Variants in GRM8 observed in about 807,000 individuals in gnomAD.
GRM8 encodes metabotropic glutamate receptor 8.
Under a neutral mutation model 87.2 loss-of-function variants are expected in GRM8, and 47 were observed. The ratio of observed to expected loss-of-function variants is 0.54; its 90% CI spans 0.43 to 0.69. GRM8 has a LOEUF of 0.69. Ranked by LOEUF, GRM8 falls within the 30% of genes least tolerant of loss-of-function variation. GRM8 has a pLI of 0.00. For missense variants in GRM8, 1,019 were observed against 1,139.2 expected, an observed-to-expected ratio of 0.89 and a Z score of 1.52; for synonymous variants, 396 against 404.5, an observed-to-expected ratio of 0.98 and a Z score of 0.25.
At chr7:126,829,525 C>T (rs1455205959) in intron 6 of GRM8, among the ~76,000 whole-genome samples, 74 of 129,520 alleles carry the variant, frequency 5.7e-4, no homozygotes, top group South Asian at 1.1e-3. Context: ...GGATTGCAAC[C>T]CCTGCCTTTT....
chr7:126,930,853 G>A (rs1033262898), intron 3 of GRM8, among the ~76,000 whole-genome samples: 2 of 152,142 alleles, frequency 1.3e-5, no homozygotes, highest in East Asian at 3.9e-4. Flanking sequence ...TCTTTGCTAT[G>A]CCCTGGCCTG....
At chr7:126,811,921 C>T (rs1294550320) in intron 6 of GRM8, among the ~76,000 whole-genome samples, 4 of 151,780 alleles carry the variant, frequency 2.6e-5, no homozygotes, top group African/African-American at 9.7e-5. Flanking sequence ...TGAAAGTGGG[C>T]ATATTTGTAT....
At chr7:126,603,249 G>A (rs936254272) in intron 8 of GRM8, among the ~76,000 whole-genome samples, 1 of 146,216 alleles carries the variant, frequency 6.8e-6, no homozygotes, top group African/African-American at 2.5e-5. Context: ...AATAATAAGA[G>A]CTATCTATGA....
intron 9 of GRM8, among the ~76,000 whole-genome samples, chr7:126,455,006 T>A (rs1803063456): frequency 6.6e-6 from 1 of 151,710 alleles, no homozygotes; most frequent in Non-Finnish European, 1.5e-5. Context: ...TGGTTGTGGT[T>A]AAATATACCA....
At chr7:126,544,636 G>A (rs543841554) in intron 8 of GRM8, among the ~76,000 whole-genome samples, 64 of 152,004 alleles carry the variant, frequency 4.2e-4, no homozygotes, top group African/African-American at 1.4e-3. Context: ...TCAGCCTCCC[G>A]AGTAGCTGGG....
intron 3 of GRM8, among the ~76,000 whole-genome samples, chr7:127,015,042 A>C (rs1422482270): frequency 7.9e-6 from 1 of 126,982 alleles, no homozygotes; most frequent in Non-Finnish European, 1.8e-5. Flanking sequence ...AAGAAGAAGA[A>C]GAAGAAGAAG....
intron 3 of GRM8, among the ~76,000 whole-genome samples, chr7:126,972,360 T>G (rs1017803663): frequency 2.0e-5 from 3 of 152,208 alleles, no homozygotes; most frequent in Non-Finnish European, 4.4e-5. Flanking sequence ...GTTGTACTGA[T>G]GTTGAGTAGA....
chr7:126,454,502 T>C (rs2237728), intron 9 of GRM8, among the ~76,000 whole-genome samples: 4 of 136,648 alleles, frequency 2.9e-5, no homozygotes, highest in Non-Finnish European at 6.3e-5. Context: ...GTTTTAAAAG[T>C]GCTATTTTTT....
intron 8 of GRM8, among the ~76,000 whole-genome samples, chr7:126,590,362 C>A (rs375881928): frequency 6.6e-6 from 1 of 151,682 alleles, no homozygotes; most frequent in Non-Finnish European, 1.5e-5. Context: ...ATGAACAAAG[C>A]CTGCAAGAAG....
intron 6 of GRM8, among the ~76,000 whole-genome samples, chr7:126,778,752 G>A (rs1819734756): frequency 6.6e-6 from 1 of 151,986 alleles, no homozygotes; most frequent in Non-Finnish European, 1.5e-5. Context: ...TCAGCAGAAA[G>A]GACTTCTAAT....
At chr7:126,886,369 C>T (rs1800501913) in intron 6 of GRM8, among the ~76,000 whole-genome samples, 1 of 152,134 alleles carries the variant, frequency 6.6e-6, no homozygotes, top group Admixed American at 6.6e-5. Flanking sequence ...TACACATTTT[C>T]AATTTTTTCT....
intron 9 of GRM8, among the ~76,000 whole-genome samples, chr7:126,513,548 A>G (rs1202620848): frequency 6.6e-6 from 1 of 152,112 alleles, no homozygotes; most frequent in African/African-American, 2.4e-5. Context: ...GCCACTTTCC[A>G]GTCTTGGCTA....
At chr7:126,479,375 C>G (rs1464978255) in intron 9 of GRM8, among the ~76,000 whole-genome samples, 1 of 152,056 alleles carries the variant, frequency 6.6e-6, no homozygotes, top group Non-Finnish European at 1.5e-5. Context: ...TAGCAATACT[C>G]TCCATGAGCC....
chr7:127,020,933 T>A (rs1816201303), intron 3 of GRM8, among the ~76,000 whole-genome samples: 1 of 151,996 alleles, frequency 6.6e-6, no homozygotes, highest in African/African-American at 2.4e-5. Context: ...TCCACAGAGC[T>A]TCCCTTAGCT....
chr7:126,918,537 TC>T (rs1804172905), intron 3 of GRM8, among the ~76,000 whole-genome samples: 1 of 152,160 alleles, frequency 6.6e-6, no homozygotes, highest in South Asian at 2.1e-4. Flanking sequence ...AACACATCAA[TC>T]CTAAGAATGA....
Position 126,830,831 on chromosome 7 carries a change from G to A in GRM8, c.1157-60766C>T, listed in dbSNP as rs529802062. ...GCTCTGTTTTTTCCCCATCTTTGTG[G>A]TTTTATCTACTTTTGGTCTTTGATG... On this transcript the variant is annotated intron_variant, in intron 6 of 10. Transcript: ENST00000339582. Among the ~76,000 whole-genome samples, 37 of 152,270 alleles carry A rather than the reference G, an allele frequency of 2.4e-4. No homozygotes were observed. In the East Asian group the frequency reaches 7.2e-3, roughly 29 times the overall value.
At chr7:126,893,823 G>C (rs1801290097) in intron 6 of GRM8, among the ~76,000 whole-genome samples, 1 of 151,860 alleles carries the variant, frequency 6.6e-6, no homozygotes, top group African/African-American at 2.4e-5. Flanking sequence ...ATCACACTTA[G>C]TCTTAATTTC....
chr7:126,909,789 T>C (rs953768957), intron 3 of GRM8, among the ~76,000 whole-genome samples: 1 of 152,142 alleles, frequency 6.6e-6, no homozygotes, highest in African/African-American at 2.4e-5. Context: ...AACTTGAAGG[T>C]TTGCATCATG....
At chr7:126,649,074 G>A (rs1803496778) in intron 7 of GRM8, among the ~76,000 whole-genome samples, 1 of 152,188 alleles carries the variant, frequency 6.6e-6, no homozygotes, top group South Asian at 2.1e-4. Context: ...TCTAAAAAAT[G>A]TGGATCCCAA....
Sources: allele counts gnomAD v4.1 joint callset (sites outside exome capture counted in the v4.1 genomes callset), GRCh38; gene constraint gnomAD v4.1.1; transcripts MANE v1.5; gene names NCBI Gene and HGNC (gene_info 2026-07-23, HGNC 2026-07-21).